ANKRD12: variants seen among roughly 807,000 people sequenced by gnomAD.
ANKRD12 encodes ankyrin repeat domain-containing protein 12.
A neutral mutation model predicts 183.4 loss-of-function variants in ANKRD12; 85 were observed. The ratio of observed to expected loss-of-function variants is 0.46; its 90% CI spans 0.39 to 0.56. ANKRD12 has a LOEUF of 0.56. ANKRD12 is among the 20% of genes least tolerant of loss of function. ANKRD12 has a pLI of 0.00. For missense variants in ANKRD12, 2,405 were observed against 2,357.1 expected, an observed-to-expected ratio of 1.02 and a Z score of -0.42; for synonymous variants, 914 against 800.2, an observed-to-expected ratio of 1.14 and a Z score of -2.40.
Position 9,192,313 on chromosome 18 carries a change from A to G in ANKRD12, c.88-3238A>G, listed in dbSNP as rs552537086. Among the ~76,000 whole-genome samples the G allele has an allele frequency of 3.3e-5, 5 of 152,336 alleles. No homozygotes were observed. The South Asian group carries it at 6.2e-4, about 19-fold the overall frequency. On this transcript the variant is annotated intron_variant, in intron 2 of 12. Transcript: ENST00000262126. ...TTCTTGTCACTTTGTTCTTGCCATCATAGGGTTTTCTTTAATCTTTTGATA... is the reference window on the plus strand; with the variant it reads ...TTCTTGTCACTTTGTTCTTGCCATCGTAGGGTTTTCTTTAATCTTTTGATA...
chr18:9,152,828 C>G (rs982409471), intron 1 of ANKRD12, among the ~76,000 whole-genome samples: 1 of 152,086 alleles, frequency 6.6e-6, no homozygotes, highest in African/African-American at 2.4e-5. Flanking sequence ...TTCTCACTTT[C>G]CTGTGGGCTT....
chr18:9,210,741 C>CAAAAAAAAAAAAAAA (rs2035755591), intron 5 of ANKRD12, among the ~76,000 whole-genome samples: 1 of 49,654 alleles, frequency 2.0e-5, no homozygotes, highest in African/African-American at 6.4e-5. Flanking sequence ...AAAAAAAAAT[C>CAAAAAAAAAAAAAAA]CAAAAGATGA....
At chr18:9,167,604 G>C (rs1291919151) in intron 1 of ANKRD12, among the ~76,000 whole-genome samples, 1 of 152,052 alleles carries the variant, frequency 6.6e-6, no homozygotes, top group Non-Finnish European at 1.5e-5. Context: ...TTATCAGCTT[G>C]AGGAGATTTT....
chr18:9,142,200 CTT>C (rs944547578), intron 1 of ANKRD12, among the ~76,000 whole-genome samples: 12 of 152,300 alleles, frequency 7.9e-5, no homozygotes, highest in African/African-American at 2.9e-4. Flanking sequence ...TTGTGGCTCT[CTT>C]TTCTGCCTAG....
intron 2 of ANKRD12, among the ~76,000 whole-genome samples, chr18:9,195,132 T>C (rs2034697758): frequency 6.6e-6 from 1 of 152,056 alleles, no homozygotes; most frequent in Admixed American, 6.6e-5. Flanking sequence ...GAGCTAAACA[T>C]TGAGTACACA....
chr18:9,243,732 TGGAAAA>T (rs2037790348), intron 8 of ANKRD12, among the ~76,000 whole-genome samples: 1 of 152,170 alleles, frequency 6.6e-6, no homozygotes, highest in African/African-American at 2.4e-5. Flanking sequence ...ATGAAGAATG[TGGAAAA>T]CAAAGATGTT....
At chr18:9,207,047 C>T (rs189487392) in intron 4 of ANKRD12, among the ~76,000 whole-genome samples, 149 of 152,004 alleles carry the variant, frequency 9.8e-4, no homozygotes, top group Non-Finnish European at 1.8e-3. Context: ...GAGAGAAATA[C>T]ATTCATTATA....
At chr18:9,164,811 T>C (rs894498071) in intron 1 of ANKRD12, among the ~76,000 whole-genome samples, 1 of 152,192 alleles carries the variant, frequency 6.6e-6, no homozygotes, top group Admixed American at 6.6e-5. Flanking sequence ...TTATTAATAA[T>C]TGTGATTATG....
At chr18:9,195,284 T>C (rs1467645760) in intron 2 of ANKRD12, among the ~76,000 whole-genome samples, 7 of 152,128 alleles carry the variant, frequency 4.6e-5, no homozygotes, top group African/African-American at 1.4e-4. Context: ...CCCAGTGATA[T>C]GCAATTTACT....
intron 4 of ANKRD12, 141 bp downstream of exon 4, chr18:9,204,685 C>T (rs1011507222): frequency 3.3e-6 from 2 of 614,738 alleles, no homozygotes; most frequent in African/African-American, 1.9e-5. Flanking sequence ...GGTGACACCA[C>T]ATTTTCCCAT....
At chr18:9,234,385 G>A (rs2037226413) in intron 8 of ANKRD12, among the ~76,000 whole-genome samples, 1 of 152,218 alleles carries the variant, frequency 6.6e-6, no homozygotes, top group Admixed American at 6.5e-5. Flanking sequence ...CACAGTTTGT[G>A]CTGCTGGTGG....
At chr18:9,153,126 A>G (rs1237934938) in intron 1 of ANKRD12, among the ~76,000 whole-genome samples, 1 of 152,144 alleles carries the variant, frequency 6.6e-6, no homozygotes, top group African/African-American at 2.4e-5. Context: ...GAGCCACTGT[A>G]CCCAGCCCAT....
chr18:9,247,604 ATG>A (rs1177874823), intron 8 of ANKRD12, among the ~76,000 whole-genome samples: 4 of 152,074 alleles, frequency 2.6e-5, no homozygotes, highest in Admixed American at 6.6e-5. Context: ...CTCGTAAAAT[ATG>A]TGTTTTAAAA....
chr18:9,188,269 A>G (rs796951629), intron 2 of ANKRD12, among the ~76,000 whole-genome samples: 5 of 152,320 alleles, frequency 3.3e-5, no homozygotes, highest in African/African-American at 1.2e-4. Flanking sequence ...TAGGAACCCC[A>G]AATCTTTTAT....
At chr18:9,245,718 A>G (rs565628716) in intron 8 of ANKRD12, among the ~76,000 whole-genome samples, 1 of 152,314 alleles carries the variant, frequency 6.6e-6, no homozygotes, top group South Asian at 2.1e-4. Flanking sequence ...GTAAATCAAT[A>G]CTAGTAAATC....
intron 3 of ANKRD12, chr18:9,200,585 A>G (rs1042090235): frequency 1.3e-5 from 2 of 152,210 alleles, no homozygotes; most frequent in Non-Finnish European, 2.9e-5. Flanking sequence ...AGATTTTGGA[A>G]TCTGACTAGT....
chr18:9,246,076 A>G (rs1598677259), intron 8 of ANKRD12, among the ~76,000 whole-genome samples: 1 of 152,212 alleles, frequency 6.6e-6, no homozygotes, highest in Non-Finnish European at 1.5e-5. Context: ...GAATGAGACA[A>G]TTTATAGAAT....
intron 8 of ANKRD12, among the ~76,000 whole-genome samples, chr18:9,226,098 C>T (rs985279690): frequency 6.6e-6 from 1 of 152,100 alleles, no homozygotes; most frequent in Non-Finnish European, 1.5e-5. Context: ...TGAAATGCCT[C>T]CACCTGTATA....
intron 1 of ANKRD12, among the ~76,000 whole-genome samples, chr18:9,174,174 A>G (rs952138482): frequency 2.0e-5 from 3 of 152,218 alleles, no homozygotes; most frequent in African/African-American, 7.2e-5. Flanking sequence ...AGCTGGGTCA[A>G]CTGAACTGCA....
Sources: allele counts gnomAD v4.1 joint callset (sites outside exome capture counted in the v4.1 genomes callset), GRCh38; gene constraint gnomAD v4.1.1; transcripts MANE v1.5; gene names NCBI Gene and HGNC (gene_info 2026-07-23, HGNC 2026-07-21).